Variants in PEPD observed in about 807,000 individuals in gnomAD.
PEPD encodes the protein peptidase D.
Under a neutral mutation model 60.7 loss-of-function variants are expected in PEPD, and 53 were observed. That is an observed-to-expected ratio of 0.87 (90% CI 0.70 to 1.10). The LOEUF is 1.10. Ranked by LOEUF, PEPD falls within the 50% of genes least tolerant of loss-of-function variation. PEPD has a pLI of 0.00. For synonymous variants in PEPD, 267 were observed against 284.1 expected (o/e 0.94, Z 0.60); for missense variants, 711 against 711.9 (o/e 1.00, Z 0.01).
intron 9 of PEPD, among the ~76,000 whole-genome samples, chr19:33,451,416 C>A (rs1969697965): frequency 6.6e-6 from 1 of 152,076 alleles, no homozygotes; most frequent in African/African-American, 2.4e-5. Flanking sequence ...AAATACAGGT[C>A]TTTTTTTCTT....
intron 11 of PEPD, among the ~76,000 whole-genome samples, chr19:33,411,159 T>G (rs1249224109): frequency 1.3e-5 from 2 of 152,270 alleles, no homozygotes; most frequent in East Asian, 3.9e-4. Flanking sequence ...AGGAAAGCCC[T>G]GCACGCAGCC....
chr19:33,520,967 A>C (rs1971120162), intron 1 of PEPD, among the ~76,000 whole-genome samples: 1 of 152,104 alleles, frequency 6.6e-6, no homozygotes, highest in African/African-American at 2.4e-5. Context: ...CCAGGCATGC[A>C]CCCCTGTCCC....
At chr19:33,464,153 C>T in intron 7 of PEPD, 91 bp from the exon 8 acceptor site, 2 of 873,070 alleles carry the variant, frequency 2.3e-6, no homozygotes, top group Non-Finnish European at 1.9e-6. Context: ...CCTACCACAC[C>T]CTGCACAGCC....
intron 5 of PEPD, 46 bp from the exon 6 acceptor site, chr19:33,490,103 C>A (rs1398517091): frequency 7.1e-7 from 1 of 1,400,744 alleles, no homozygotes; most frequent in African/African-American, 1.4e-5. Context: ...CGCATGGCGC[C>A]CCCACAGCCT....
chr19:33,400,148 C>G (rs569684110), intron 12 of PEPD, among the ~76,000 whole-genome samples: 54 of 152,218 alleles, frequency 3.5e-4, no homozygotes, highest in African/African-American at 1.3e-3. Flanking sequence ...CTCTGGAGGT[C>G]TGTATAGCTG....
Position 33,387,933 on chromosome 19 carries a change from A to G in PEPD, c.1301T>C (p.Phe434Ser), listed in dbSNP as rs1467897958. 1.9e-6 allele frequency: 3 copies of G among 1,596,772 alleles called. No individual in the cohort carries two copies. The highest frequency in any genetic ancestry group is 2.6e-6 in the Non-Finnish European group (3 of 1,172,428). The change falls in exon 14 of 15, where the codon TTC becomes TCC. Residue 434 changes from phenylalanine (F) to serine (S), a missense_variant. Phe to Ser is a radical substitution (Grantham distance 155). Coordinates refer to ENST00000244137, the MANE Select transcript of PEPD (RefSeq NM_000285.4). ...EALADPARAS[F>S]LNREVLQRFR... ...GCGCTGCAGGACCTCGCGGTTAAGG[A>G]AGGAGGCGCGGGCCGGGTCCGCCAG...
At chr19:33,420,864 C>T (rs1210949310) in intron 9 of PEPD, among the ~76,000 whole-genome samples, 1 of 152,228 alleles carries the variant, frequency 6.6e-6, no homozygotes, top group Non-Finnish European at 1.5e-5. Flanking sequence ...CCTGGCCCCC[C>T]TCCTGGTCAG....
intron 11 of PEPD, among the ~76,000 whole-genome samples, chr19:33,403,023 C>T (rs1410987331): frequency 6.6e-6 from 1 of 152,196 alleles, no homozygotes; most frequent in Non-Finnish European, 1.5e-5. Context: ...GCCTCCCGCT[C>T]ATCCTGTGGT....
At chr19:33,473,318 A>C (rs1431696675) in intron 7 of PEPD, among the ~76,000 whole-genome samples, 1 of 152,162 alleles carries the variant, frequency 6.6e-6, no homozygotes, top group East Asian at 1.9e-4. Flanking sequence ...AATTTAGGTC[A>C]TCATCTACGT....
intron 9 of PEPD, among the ~76,000 whole-genome samples, chr19:33,422,743 C>T (rs950992691): frequency 6.6e-6 from 1 of 151,358 alleles, no homozygotes; most frequent in Non-Finnish European, 1.5e-5. Flanking sequence ...TATCAATCAT[C>T]TATTTCTGTC....
At chr19:33,467,389 A>G (rs1970041484) in intron 7 of PEPD, among the ~76,000 whole-genome samples, 1 of 151,922 alleles carries the variant, frequency 6.6e-6, no homozygotes, top group African/African-American at 2.4e-5. Flanking sequence ...TCCCCCAAAC[A>G]GGTAAGATTT....
At chr19:33,454,578 G>T (rs1484725888) in intron 9 of PEPD, among the ~76,000 whole-genome samples, 2 of 151,650 alleles carry the variant, frequency 1.3e-5, no homozygotes, top group Non-Finnish European at 2.9e-5. Context: ...CTCCAGCCTC[G>T]GTGATGGAGC....
intron 9 of PEPD, among the ~76,000 whole-genome samples, chr19:33,423,786 T>G (rs1484653765): frequency 1.3e-5 from 2 of 152,248 alleles, no homozygotes; most frequent in Non-Finnish European, 2.9e-5. Flanking sequence ...TTTATGGCAT[T>G]TCTGGACAGA....
At chr19:33,520,001 A>C (rs1971100964) in intron 1 of PEPD, among the ~76,000 whole-genome samples, 1 of 151,654 alleles carries the variant, frequency 6.6e-6, no homozygotes, top group Non-Finnish European at 1.5e-5. Flanking sequence ...TGGGAGGTGG[A>C]GGTTGCAGTG....
intron 9 of PEPD, among the ~76,000 whole-genome samples, chr19:33,453,274 A>G (rs1379250147): frequency 6.6e-6 from 1 of 152,014 alleles, no homozygotes; most frequent in Non-Finnish European, 1.5e-5. Context: ...TGATTGCACC[A>G]CTGCCTTCCA....
intron 9 of PEPD, among the ~76,000 whole-genome samples, chr19:33,428,540 AC>A (rs35237823): frequency 0.1 from 15,821 of 151,742 alleles, 908 homozygotes; most frequent in Non-Finnish European, 0.12. Flanking sequence ...TCCACGCTCC[AC>A]CTCCTGCTCA....
intron 9 of PEPD, among the ~76,000 whole-genome samples, chr19:33,414,420 A>G (rs1968844529): frequency 6.6e-6 from 1 of 152,206 alleles, no homozygotes; most frequent in Non-Finnish European, 1.5e-5. Context: ...TTTGAGCTCC[A>G]AGGGACTGAG....
At chr19:33,435,235 G>A (rs112841707) in intron 9 of PEPD, among the ~76,000 whole-genome samples, 1,818 of 152,336 alleles carry the variant, frequency 0.012, 37 homozygotes, top group African/African-American at 0.041. Context: ...AAGGCCCCTC[G>A]GCTGGGCCGG....
intron 12 of PEPD, 119 bp from the exon 13 acceptor site, chr19:33,391,598 G>T (rs972613425): frequency 6.4e-6 from 6 of 940,580 alleles, no homozygotes; most frequent in South Asian, 5.6e-5. Flanking sequence ...GAGGTGGGGG[G>T]TGAGGGGGCA....
Sources: allele counts gnomAD v4.1 joint callset (sites outside exome capture counted in the v4.1 genomes callset), GRCh38; gene constraint gnomAD v4.1.1; transcripts MANE v1.5; gene names NCBI Gene and HGNC (gene_info 2026-07-23, HGNC 2026-07-21).